Variants in NCEH1 observed in about 807,000 individuals in gnomAD.
NCEH1 encodes the protein 2-acetyl MAGE hydrolase.
A neutral mutation model predicts 25.4 loss-of-function variants in NCEH1; 9 were observed. The ratio of observed to expected loss-of-function variants is 0.35; its 90% confidence interval spans 0.21 to 0.62. The LOEUF (loss-of-function observed/expected upper bound fraction) is 0.62. Ranked by LOEUF, NCEH1 falls within the 20% of genes least tolerant of loss-of-function variation. The pLI is 0.72. For missense variants in NCEH1, 412 were observed against 501.1 expected (o/e 0.82, Z 1.70); for synonymous variants, 200 against 199.8 (o/e 1.00, Z -0.01).
At chr3:172,670,506 T>C (rs1268135328) in intron 1 of NCEH1, among the ~76,000 whole-genome samples, 1 of 152,224 alleles carries the variant, frequency 6.6e-6, no homozygotes, top group South Asian at 2.1e-4. Context: ...CTGGAGGGGC[T>C]AAAGGACCTC....
Position 172,676,310 on chromosome 3 carries a change from G to A in NCEH1, c.139-28196C>T, listed in dbSNP as rs117676145. On this transcript the variant is annotated intron_variant, in intron 1 of 4. Transcript: ENST00000475381. ...CAGGAAGCTTTGATACGCAAATGCC[G>A]CCCGTTAGAAATGGTCCACCCAATA... Among the ~76,000 whole-genome samples the A allele has an allele frequency of 2.4e-4, 36 of 152,212 alleles. No individual in the cohort carries two copies. In the East Asian group the frequency reaches 6.8e-3, roughly 29 times the overall value.
At chr3:172,639,288 C>T (rs1716742236) in intron 3 of NCEH1, among the ~76,000 whole-genome samples, 1 of 135,932 alleles carries the variant, frequency 7.4e-6, no homozygotes, top group Non-Finnish European at 1.5e-5. Flanking sequence ...CAGAGTGAGG[C>T]TCCGTCTCAA....
At chr3:172,664,778 T>A (rs1305783752) in intron 1 of NCEH1, among the ~76,000 whole-genome samples, 1 of 152,164 alleles carries the variant, frequency 6.6e-6, no homozygotes, top group Non-Finnish European at 1.5e-5. Context: ...ATGTGTCACG[T>A]AGTTCTCGTG....
chr3:172,668,885 A>G (rs1259889781), intron 1 of NCEH1, among the ~76,000 whole-genome samples: 1 of 152,232 alleles, frequency 6.6e-6, no homozygotes, highest in African/African-American at 2.4e-5. Context: ...CAGTATGATG[A>G]AAAATGTAAT....
intron 1 of NCEH1, among the ~76,000 whole-genome samples, chr3:172,691,766 G>T (rs1713057058): frequency 6.6e-6 from 1 of 152,276 alleles, no homozygotes; most frequent in African/African-American, 2.4e-5. Context: ...TGGCTAACAT[G>T]GTGAAACTCC....
intron 1 of NCEH1, among the ~76,000 whole-genome samples, chr3:172,698,875 C>G (rs547396107): frequency 4.6e-4 from 70 of 152,314 alleles, no homozygotes; most frequent in Non-Finnish European, 9.1e-4. Context: ...TTGCGACAGA[C>G]GCGGTAACAC....
chr3:172,662,369 C>A (rs1050809862), intron 1 of NCEH1, among the ~76,000 whole-genome samples: 1 of 152,132 alleles, frequency 6.6e-6, no homozygotes, highest in Non-Finnish European at 1.5e-5. Context: ...ATTCGGTTTG[C>A]CAGTATTTTA....
In NCEH1 at chr3:172,690,497, A is replaced by G. The variant is rs143492633; in HGVS notation, c.138+20350T>C. Among the ~76,000 whole-genome samples the G allele has an allele frequency of 4.5e-4, 69 of 152,362 alleles. 1 individual carries two copies. Among genetic ancestry groups the G allele is most frequent in the East Asian group, 2.5e-3 (13 of 5,188 alleles). ...CATTGCTATTAGCCATATAAATTGG[A>G]AAATAACTTGGAAATATGTAATAGG... is the stretch of plus-strand genomic sequence containing the variant. On this transcript the variant is annotated intron_variant, in intron 1 of 4. Coordinates refer to ENST00000475381, the MANE Select transcript of NCEH1 (RefSeq NM_020792.6).
intron 3 of NCEH1, among the ~76,000 whole-genome samples, chr3:172,637,096 T>C (rs1716629736): frequency 1.3e-5 from 2 of 152,220 alleles, no homozygotes; most frequent in African/African-American, 4.8e-5. Context: ...AATTATCATA[T>C]GTTTTTCCTA....
intron 1 of NCEH1, among the ~76,000 whole-genome samples, chr3:172,648,983 T>C (rs546930657): frequency 5.9e-5 from 9 of 152,278 alleles, no homozygotes; most frequent in African/African-American, 2.2e-4. Context: ...CTTTTGTAGA[T>C]GATGAAACAG....
intron 1 of NCEH1, among the ~76,000 whole-genome samples, chr3:172,705,658 CCCA>C (rs1316374115): frequency 6.6e-6 from 1 of 152,014 alleles, no homozygotes; most frequent in Non-Finnish European, 1.5e-5. Context: ...TTCTGTCCAG[CCCA>C]CCACCACTGG....
At chr3:172,702,230 G>A (rs1163142484) in intron 1 of NCEH1, among the ~76,000 whole-genome samples, 1 of 152,226 alleles carries the variant, frequency 6.6e-6, no homozygotes, top group Non-Finnish European at 1.5e-5. Context: ...CTGCCTGATT[G>A]TATTACCATG....
intron 1 of NCEH1, among the ~76,000 whole-genome samples, chr3:172,653,162 A>G (rs1717492425): frequency 6.6e-6 from 1 of 152,156 alleles, no homozygotes; most frequent in African/African-American, 2.4e-5. Flanking sequence ...CCATTCCAGG[A>G]TCTAGGGGAA....
intron 1 of NCEH1, among the ~76,000 whole-genome samples, chr3:172,675,967 G>A (rs190390699): frequency 6.6e-6 from 1 of 152,162 alleles, no homozygotes; most frequent in African/African-American, 2.4e-5. Flanking sequence ...ACTCCAAATG[G>A]TACTGCAAGC....
intron 1 of NCEH1, among the ~76,000 whole-genome samples, chr3:172,655,376 G>A (rs929759499): frequency 6.6e-6 from 1 of 152,220 alleles, no homozygotes; most frequent in African/African-American, 2.4e-5. Flanking sequence ...GTGGCGCACT[G>A]GCTCTGTACC....
Position 172,632,001 on chromosome 3 carries a change from T to C in NCEH1, c.*1474A>G, listed in dbSNP as rs945602645. 10 of 152,670 alleles carry C rather than the reference T, an allele frequency of 6.6e-5. No individual in the cohort carries two copies. The highest frequency in any genetic ancestry group is 2.4e-4 in the African/African-American group (10 of 41,456). 9.5% of individuals were successfully genotyped at this position (152,670 alleles called of 1,614,324 possible). On this transcript the variant is annotated 3_prime_UTR_variant, in exon 5 of 5. Transcript: ENST00000475381. ...TGAAGACTTTACATGAAGTTAAGCT[T>C]GGGCTGTTGAAACTTCCAGACCTGG...
chr3:172,680,146 G>C (rs1577079579), intron 1 of NCEH1, among the ~76,000 whole-genome samples: 1 of 152,134 alleles, frequency 6.6e-6, no homozygotes, highest in Non-Finnish European at 1.5e-5. Flanking sequence ...ACACATTAGA[G>C]TTCAGAAACA....
chr3:172,692,104 T>A (rs1713095949), intron 1 of NCEH1, among the ~76,000 whole-genome samples: 1 of 152,168 alleles, frequency 6.6e-6, no homozygotes, highest in Non-Finnish European at 1.5e-5. Flanking sequence ...GAAGCCTTTG[T>A]CTCCAATAAG....
chr3:172,639,107 T>A (rs189400378), intron 3 of NCEH1, among the ~76,000 whole-genome samples: 46 of 152,256 alleles, frequency 3.0e-4, no homozygotes, highest in African/African-American at 1.1e-3. Context: ...GAGACCATCC[T>A]GGCCAACATG....
Sources: allele counts gnomAD v4.1 joint callset (sites outside exome capture counted in the v4.1 genomes callset), GRCh38; gene constraint gnomAD v4.1.1; transcripts MANE v1.5; gene names NCBI Gene and HGNC (gene_info 2026-07-23, HGNC 2026-07-21).